Variants in SYNE1 observed in about 807,000 individuals in gnomAD.
SYNE1 encodes the protein spectrin repeat containing nuclear envelope protein 1.
In SYNE1, 616 loss-of-function variants were observed where a neutral mutation model predicts 1,111.0. The observed-to-expected ratio is 0.55, with a 90% CI of 0.52 to 0.59. The LOEUF is 0.59. Among genes scored for constraint, SYNE1 ranks in the 20% least tolerant of loss-of-function variants. The pLI, the probability that SYNE1 is intolerant of heterozygous loss-of-function variation, is 0.00. For missense variants in SYNE1, 10,006 were observed against 10,417.0 expected (o/e 0.96, Z 1.72); for synonymous variants, 3,855 against 3,825.8 (o/e 1.01, Z -0.28).
intron 16 of SYNE1, among the ~76,000 whole-genome samples, chr6:152,466,607 G>A (rs540004279): frequency 6.6e-6 from 1 of 152,078 alleles, no homozygotes; most frequent in African/African-American, 2.4e-5. Context: ...ACATTTCAAT[G>A]ACCTATTACA....
At chr6:152,206,031 T>A (rs555417206) in intron 126 of SYNE1, 137 bp downstream of exon 126, 12 of 991,564 alleles carry the variant, frequency 1.2e-5, no homozygotes, top group Admixed American at 2.2e-5. Flanking sequence ...AAGTCTTAAA[T>A]AAAACACAGA....
rs558353032 is a variant in SYNE1 at position 152,280,509 on chromosome 6, C to T, written c.18381+1298G>A. Among the ~76,000 whole-genome samples, 8 of 152,002 alleles carry T rather than the reference C, an allele frequency of 5.3e-5. 1 individual carries two copies. The South Asian group carries it at 1.5e-3, about 28-fold the overall frequency. ...GTGGACCAAGACAATTCTTCTTCTT[C>T]CAATGTGGCCCAGGGAAGCCAAAAG... is the stretch of plus-strand genomic sequence containing the variant. On this transcript the variant is annotated intron_variant, in intron 97 of 145. Coordinates refer to ENST00000367255, the MANE Select transcript of SYNE1 (RefSeq NM_182961.4).
chr6:152,236,122 A>G lies in SYNE1; in HGVS notation c.20381T>C (p.Leu6794Ser), dbSNP rs766108064. Reference protein sequence around the residue: ...SKELHRLETILKHWTRYQSES... With the variant: ...SKELHRLETISKHWTRYQSES... ...ATTGTATTACCTGGTCCAGTGTTTC[A>G]ATATTGTTTCCAGTCTGTGAAGTTC... Residue 6794 changes from leucine to serine, a missense_variant, in exon 110 of 146, where the codon TTG (leucine) becomes TCG (serine). Leu to Ser is a moderately radical substitution (Grantham distance 145, BLOSUM62 -2). This residue lies in a region of SYNE1 where 2,182 missense variants were observed against 2,287.8 expected (regional missense o/e 0.95). Coordinates refer to ENST00000367255, the MANE Select transcript of SYNE1 (RefSeq NM_182961.4). 8.7e-6 allele frequency: 14 copies of G among 1,614,110 alleles called. No individual in the cohort carries two copies. In the South Asian group the frequency reaches 1.3e-4, roughly 15 times the overall value.
rs1339349116 is a variant in SYNE1, at chr6:152,373,111, C to T, written c.9433G>A (p.Ala3145Thr). ...TCTTCTTTTGCAGCTGTAACTTTGGCCTGGATCCCTTTCGCTTTCTCTTTG... is the reference window on the plus strand; with the variant it reads ...TCTTCTTTTGCAGCTGTAACTTTGGTCTGGATCCCTTTCGCTTTCTCTTTG... Reference protein sequence around the residue: ...LTKEKAKGIQAKVTAAKEDWK... With the variant: ...LTKEKAKGIQTKVTAAKEDWK... The change falls in exon 59 of 146, where the codon GCC becomes ACC. Residue 3145 changes from alanine to threonine, a missense_variant. Physicochemically the swap from Ala to Thr is moderately conservative, Grantham distance 58. Around this residue, in one of 7 missense-constraint regions of SYNE1, gnomAD observed 4,955 missense variants for 5,017.2 expected, o/e 0.99. Coordinates refer to ENST00000367255, the MANE Select transcript of SYNE1 (RefSeq NM_182961.4). The T allele has an allele frequency of 1.9e-6, 3 of 1,613,924 alleles. No homozygotes were observed. Among genetic ancestry groups the T allele is most frequent in the African/African-American group, 2.7e-5 (2 of 74,890 alleles).
chr6:152,516,951 G>C (rs140919665), intron 6 of SYNE1, among the ~76,000 whole-genome samples: 7 of 152,210 alleles, frequency 4.6e-5, no homozygotes, highest in African/African-American at 1.7e-4. Flanking sequence ...ATTAATGAAG[G>C]GTGAGCAGAA....
intron 138 of SYNE1, among the ~76,000 whole-genome samples, chr6:152,141,764 A>T (rs2152815982): frequency 6.6e-6 from 1 of 151,962 alleles, no homozygotes; most frequent in Middle Eastern, 3.4e-3. Flanking sequence ...CAAAAAAAAG[A>T]AAAAAGAAAA....
intron 55 of SYNE1, among the ~76,000 whole-genome samples, chr6:152,382,161 A>G (rs1036036102): frequency 3.3e-5 from 5 of 152,336 alleles, no homozygotes; most frequent in Admixed American, 6.5e-5. Context: ...TTCTCTTACT[A>G]AAATTTTTCT....
intron 3 of SYNE1, chr6:152,545,827 T>G (rs2099309809): frequency 1.3e-5 from 2 of 152,216 alleles, no homozygotes; most frequent in Admixed American, 1.3e-4. Flanking sequence ...GGATTTAAAT[T>G]ATCTAAAAAT....
intron 3 of SYNE1, among the ~76,000 whole-genome samples, chr6:152,577,526 G>A (rs986054217): frequency 3.9e-5 from 6 of 152,060 alleles, no homozygotes; most frequent in Non-Finnish European, 5.9e-5. Flanking sequence ...GCAGCTACTC[G>A]GGAGGCTGAG....
intron 128 of SYNE1, among the ~76,000 whole-genome samples, chr6:152,186,682 A>G (rs377627369): frequency 1.3e-5 from 2 of 151,188 alleles, no homozygotes; most frequent in South Asian, 4.2e-4. Context: ...AGTTCATGGC[A>G]TGTTTGAAGC....
chr6:152,139,732 AG>A (rs1585927068), intron 140 of SYNE1, among the ~76,000 whole-genome samples: 1 of 99,332 alleles, frequency 1.0e-5, no homozygotes, highest in Non-Finnish European at 2.1e-5. Context: ...AAAGAAAGAA[AG>A]AAAGAAAGAA....
At chr6:152,134,354 A>C (rs968248346) in intron 142 of SYNE1, 1 of 152,268 alleles carries the variant, frequency 6.6e-6, no homozygotes, top group Non-Finnish European at 1.5e-5. Flanking sequence ...TTCATGTTTA[A>C]TCTGATGTAT....
At chr6:152,449,816 T>A (rs1019263148) in intron 27 of SYNE1, among the ~76,000 whole-genome samples, 175 bp from the exon 28 acceptor site, 3 of 152,100 alleles carry the variant, frequency 2.0e-5, no homozygotes, top group African/African-American at 7.2e-5. Context: ...AGGGCAGGGG[T>A]GGCCGCCTCT....
At chr6:152,432,125 C>T (rs373031367) in intron 34 of SYNE1, among the ~76,000 whole-genome samples, 15 of 152,126 alleles carry the variant, frequency 9.9e-5, no homozygotes, top group Admixed American at 2.6e-4. Flanking sequence ...AGATGGAAGA[C>T]GAACCCAGCA....
rs188916750 is a variant in SYNE1, at chr6:152,198,313, G to A, written c.23145+3511C>T. Among the ~76,000 whole-genome samples the A allele has an allele frequency of 1.3e-3, 200 of 152,268 alleles. 1 individual carries two copies. Among genetic ancestry groups the A allele is most frequent in the African/African-American group, 4.6e-3 (191 of 41,546 alleles). On this transcript the variant is annotated intron_variant, in intron 127 of 145. Coordinates refer to ENST00000367255, the MANE Select transcript of SYNE1 (RefSeq NM_182961.4). Reference sequence around the variant, plus strand: ...CCTTCACAGAATTAAAGGGAGTTACGACCTTGCTCCAGATTAGGCTTTGGC... The same window carrying A: ...CCTTCACAGAATTAAAGGGAGTTACAACCTTGCTCCAGATTAGGCTTTGGC...
At chr6:152,630,018 A>C (rs557694843) in intron 2 of SYNE1, among the ~76,000 whole-genome samples, 1 of 152,298 alleles carries the variant, frequency 6.6e-6, no homozygotes, top group African/African-American at 2.4e-5. Context: ...AATAGAGTGC[A>C]ATTATGAATT....
intron 49 of SYNE1, 57 bp from the exon 50 acceptor site, chr6:152,397,037 T>C: frequency 3.2e-6 from 5 of 1,556,592 alleles, no homozygotes; most frequent in Non-Finnish European, 4.4e-6. Context: ...AATTGTGAGC[T>C]GAAGTAGTAA....
intron 145 of SYNE1, among the ~76,000 whole-genome samples, chr6:152,124,220 C>G (rs1335941805): frequency 9.9e-5 from 15 of 152,106 alleles, no homozygotes; most frequent in Non-Finnish European, 2.1e-4. Flanking sequence ...GCAGGAGAAT[C>G]GCTTGAACCC....
chr6:152,403,133 A>C (rs2154154490), intron 46 of SYNE1, among the ~76,000 whole-genome samples: 1 of 152,318 alleles, frequency 6.6e-6, no homozygotes, highest in Admixed American at 6.5e-5. Flanking sequence ...AGAGAAAATC[A>C]ACAGAAGCAG....
Sources: gnomAD v4.1 joint callset for allele counts (sites outside exome capture counted in the v4.1 genomes callset) on GRCh38, gnomAD v4.1.1 for gene constraint, gnomAD v4.1.1 regional missense constraint, MANE v1.5 for transcripts, NCBI Gene and HGNC (gene_info 2026-07-23, HGNC 2026-07-21) for gene names.